ZNF362: variants seen among roughly 807,000 people sequenced by gnomAD.
ZNF362 encodes rotund homolog.
A neutral mutation model predicts 42.9 loss-of-function variants in ZNF362; 11 were observed. The ratio of observed to expected loss-of-function variants is 0.26; its 90% CI spans 0.16 to 0.42. The LOEUF is 0.42. ZNF362 is among the 20% of genes least tolerant of loss of function. The probability of loss-of-function intolerance (pLI) is 1.00; values close to 1 mark genes in which losing one functional copy is unlikely to be tolerated. For synonymous variants in ZNF362, 255 were observed against 257.3 expected (o/e 0.99, Z 0.09); for missense variants, 362 against 576.2 (o/e 0.63, Z 3.81).
the ZNF362 span, among the ~76,000 whole-genome samples, chr1:33,203,766 C>T: frequency 6.6e-6 from 1 of 152,144 alleles, no homozygotes; most frequent in African/African-American, 2.4e-5. Flanking sequence ...ATTTTAATGT[C>T]TTCTTTGAAG....
the ZNF362 span, among the ~76,000 whole-genome samples, chr1:33,190,113 A>G: frequency 6.6e-6 from 1 of 152,322 alleles, no homozygotes; most frequent in East Asian, 1.9e-4. Context: ...GACTAGCTTA[A>G]GCATGAAAAA....
the ZNF362 span, among the ~76,000 whole-genome samples, chr1:33,192,168 A>G: frequency 6.6e-6 from 1 of 152,088 alleles, no homozygotes; most frequent in Non-Finnish European, 1.5e-5. Context: ...TGACCCTATC[A>G]TTTTCCTCCT....
intron 6 of ZNF362, among the ~76,000 whole-genome samples, chr1:33,289,736 G>A (rs1646061901): frequency 6.6e-6 from 1 of 152,222 alleles, no homozygotes; most frequent in South Asian, 2.1e-4. Flanking sequence ...TCCCCTCTGT[G>A]CTGAGCCCAT....
intron 1 of ZNF362, among the ~76,000 whole-genome samples, chr1:33,262,371 C>T (rs1271468074): frequency 1.1e-4 from 1 of 9,006 alleles, no homozygotes; most frequent in Non-Finnish European, 2.5e-4. Context: ...GTAGCGCGAT[C>T]TCCCCTCACT....
chr1:33,141,065 G>C, the ZNF362 span, among the ~76,000 whole-genome samples: 2 of 152,156 alleles, frequency 1.3e-5, no homozygotes, highest in Non-Finnish European at 2.9e-5. Flanking sequence ...GTAAATGGCA[G>C]GGCTGAGATC....
chr1:33,295,294 G>T lies in ZNF362; in HGVS notation c.1135G>T (p.Ala379Ser), dbSNP rs994778902. 2 of 1,613,960 alleles carry T rather than the reference G, an allele frequency of 1.2e-6. No individual in the cohort carries two copies. Among genetic ancestry groups the T allele is most frequent in the Middle Eastern group, 1.6e-4 (1 of 6,082 alleles). ...KAYCCSMCGRAYTSETYLMKH... is the reference protein window; with the variant it reads ...KAYCCSMCGRSYTSETYLMKH... ...CTACTGCTGCAGCATGTGTGGGCGG[G>T]CCTACACCTCGGTGAGTGCCGGTCG... Residue 379 changes from alanine to serine, a missense_variant, in exon 8 of 9, where the codon GCC (alanine) becomes TCC (serine). By Grantham distance (99) the Ala-to-Ser change is moderately conservative. This residue lies in a region of ZNF362 where 68 missense variants were observed against 107.4 expected (regional missense o/e 0.63). Coordinates refer to ENST00000539719, the MANE Select transcript of ZNF362 (RefSeq NM_152493.3).
the ZNF362 span, among the ~76,000 whole-genome samples, chr1:33,139,130 A>T: frequency 0.18 from 27,833 of 152,138 alleles, 3,024 homozygotes; most frequent in South Asian, 0.29. Context: ...ATAATTTGTT[A>T]AAAAAGCAAA....
intron 6 of ZNF362, among the ~76,000 whole-genome samples, chr1:33,291,475 G>A (rs1462707516): frequency 6.6e-6 from 1 of 152,216 alleles, no homozygotes; most frequent in Non-Finnish European, 1.5e-5. Context: ...TAGCCTTGTA[G>A]TATAGTTTGA....
At chr1:33,245,171 G>A in the ZNF362 span, among the ~76,000 whole-genome samples, 1 of 152,204 alleles carries the variant, frequency 6.6e-6, no homozygotes, top group Non-Finnish European at 1.5e-5. Context: ...GATGTTTAAA[G>A]TGTGAGGCTG....
chr1:33,247,354 G>C, the ZNF362 span, among the ~76,000 whole-genome samples: 1 of 152,234 alleles, frequency 6.6e-6, no homozygotes, highest in Admixed American at 6.5e-5. Context: ...ACCACACAGC[G>C]TGTGAATGGT....
At chr1:33,246,000 G>A in the ZNF362 span, among the ~76,000 whole-genome samples, 1 of 152,136 alleles carries the variant, frequency 6.6e-6, no homozygotes, top group Non-Finnish European at 1.5e-5. Flanking sequence ...GCAAAGATCA[G>A]AGTTATGCAC....
chr1:33,177,321 C>T, the ZNF362 span, among the ~76,000 whole-genome samples: 2 of 152,278 alleles, frequency 1.3e-5, no homozygotes, highest in South Asian at 4.1e-4. The surrounding 1 kb of genome is among the most constrained non-coding windows in gnomAD (Gnocchi z 4.1). Context: ...CTATGCCAGG[C>T]ACAGTACTAG....
At chr1:33,230,222 T>A in the ZNF362 span, among the ~76,000 whole-genome samples, 8 of 152,322 alleles carry the variant, frequency 5.3e-5, no homozygotes, top group Admixed American at 4.6e-4. Flanking sequence ...AATACCCACC[T>A]CATTGGTGGG....
At chr1:33,297,071 G>T (rs1305271540) in intron 8 of ZNF362, among the ~76,000 whole-genome samples, 1 of 152,162 alleles carries the variant, frequency 6.6e-6, no homozygotes, top group Non-Finnish European at 1.5e-5. Context: ...GCTGCCACTT[G>T]CTAAGTGCTG....
At chr1:33,166,469 G>A in the ZNF362 span, among the ~76,000 whole-genome samples, 2 of 151,992 alleles carry the variant, frequency 1.3e-5, no homozygotes, top group East Asian at 1.9e-4. Flanking sequence ...AACATTCTCC[G>A]AGGGCTACAG....
chr1:33,163,904 C>G, the ZNF362 span: 1 of 152,934 alleles, frequency 6.5e-6, no homozygotes, highest in African/African-American at 2.4e-5. Flanking sequence ...CCCCACAGGA[C>G]CCCCCAGAGG....
At chr1:33,225,285 G>A in the ZNF362 span, among the ~76,000 whole-genome samples, 4,680 of 152,018 alleles carry the variant, frequency 0.031, 116 homozygotes, top group Non-Finnish European at 0.049. Flanking sequence ...TATTCCACCT[G>A]GTACTCCTCA....
At chr1:33,151,949 A>T in the ZNF362 span, among the ~76,000 whole-genome samples, 1 of 152,252 alleles carries the variant, frequency 6.6e-6, no homozygotes, top group Non-Finnish European at 1.5e-5. Flanking sequence ...CAGAGGCCTG[A>T]CAGAACATGA....
chr1:33,158,903 C>T, the ZNF362 span, among the ~76,000 whole-genome samples: 10 of 151,828 alleles, frequency 6.6e-5, 2 homozygotes, highest in Admixed American at 6.6e-5. Context: ...TGCAATGGCG[C>T]GATCTCAGCT....
Sources: gnomAD v4.1 joint callset for allele counts (sites outside exome capture counted in the v4.1 genomes callset) on GRCh38, gnomAD v4.1.1 for gene constraint, gnomAD v4.1.1 regional missense constraint, Gnocchi (gnomAD v3.1) non-coding constraint, MANE v1.5 for transcripts, NCBI Gene and HGNC (gene_info 2026-07-23, HGNC 2026-07-21) for gene names.